The following SBF2 variants were observed in gnomAD, a reference collection of about 807,000 sequenced individuals.
SBF2 encodes the protein SET binding factor 2.
SBF2 carries 112 observed loss-of-function variants against 225.2 expected under a neutral mutation model. That is an observed-to-expected ratio of 0.50 (90% CI 0.43 to 0.58). SBF2 has a LOEUF of 0.58. Ranked by LOEUF, SBF2 falls within the 20% of genes least tolerant of loss-of-function variation. SBF2 has a pLI of 0.00. For missense variants in SBF2, 1,996 were observed against 2,206.2 expected, an observed-to-expected ratio of 0.90 and a Z score of 1.91; for synonymous variants, 763 against 773.3, an observed-to-expected ratio of 0.99 and a Z score of 0.22.
intron 2 of SBF2, among the ~76,000 whole-genome samples, chr11:10,167,725 T>C (rs754227372): frequency 3.3e-5 from 5 of 152,086 alleles, no homozygotes; most frequent in African/African-American, 7.2e-5. Flanking sequence ...CTTGATGAAG[T>C]AATAGGCCAC....
chr11:9,969,199 T>C (rs1221352008), intron 13 of SBF2, among the ~76,000 whole-genome samples: 1 of 152,162 alleles, frequency 6.6e-6, no homozygotes, highest in East Asian at 1.9e-4. Context: ...CAACTATCCA[T>C]TCCTCTGCAG....
chr11:9,844,745 T>C (rs1856416495), intron 24 of SBF2, among the ~76,000 whole-genome samples: 2 of 152,108 alleles, frequency 1.3e-5, no homozygotes, highest in South Asian at 2.1e-4. Flanking sequence ...TATAAGATAA[T>C]GCCGGACAAG....
chr11:10,255,983 C>G (rs947494621), intron 1 of SBF2, among the ~76,000 whole-genome samples: 2 of 152,216 alleles, frequency 1.3e-5, no homozygotes, highest in African/African-American at 4.8e-5. Context: ...CCATTCACAT[C>G]AACTAAGTAA....
intron 6 of SBF2, among the ~76,000 whole-genome samples, chr11:10,018,953 T>G (rs563691691): frequency 1.3e-5 from 2 of 152,200 alleles, no homozygotes; most frequent in Admixed American, 6.5e-5. Flanking sequence ...TAAATATGCT[T>G]CTTCTTCTAG....
intron 1 of SBF2, among the ~76,000 whole-genome samples, chr11:10,245,943 A>C (rs1192361485): frequency 1.3e-5 from 2 of 152,212 alleles, no homozygotes; most frequent in African/African-American, 4.8e-5. Context: ...AAACTCACAA[A>C]AGAACAGTAG....
At chr11:9,836,441 A>C (rs1318473371) in intron 26 of SBF2, among the ~76,000 whole-genome samples, 1 of 152,130 alleles carries the variant, frequency 6.6e-6, no homozygotes, top group East Asian at 1.9e-4. Context: ...GTTTCTGTTT[A>C]ATATATTCCC....
intron 1 of SBF2, among the ~76,000 whole-genome samples, chr11:10,254,340 C>T (rs1232640457): frequency 1.3e-5 from 2 of 149,692 alleles, no homozygotes; most frequent in East Asian, 4.0e-4. Flanking sequence ...ACTGCAGTGA[C>T]AGTGCACTCC....
At chr11:10,098,710 C>T (rs1952153342) in intron 2 of SBF2, among the ~76,000 whole-genome samples, 1 of 150,892 alleles carries the variant, frequency 6.6e-6, no homozygotes, top group Non-Finnish European at 1.5e-5. Flanking sequence ...CACACACACA[C>T]ACACACACAC....
At chr11:10,224,127 A>G (rs1958450303) in intron 1 of SBF2, among the ~76,000 whole-genome samples, 3 of 152,056 alleles carry the variant, frequency 2.0e-5, no homozygotes, top group African/African-American at 7.2e-5. Context: ...TTCATGCAAC[A>G]CCTTTTTCTT....
chr11:9,848,879 T>C (rs1856731826), intron 22 of SBF2, among the ~76,000 whole-genome samples: 1 of 152,266 alleles, frequency 6.6e-6, no homozygotes, highest in Non-Finnish European at 1.5e-5. Flanking sequence ...ATGACTGATG[T>C]ACTAAGCCAT....
intron 1 of SBF2, among the ~76,000 whole-genome samples, chr11:10,261,177 T>C (rs747888764): frequency 2.0e-5 from 3 of 152,178 alleles, no homozygotes; most frequent in Non-Finnish European, 4.4e-5. Context: ...GATGAGATTA[T>C]AGAGTAACTG....
At chr11:10,010,600 T>C (rs185406526) in intron 6 of SBF2, among the ~76,000 whole-genome samples, 42 of 152,326 alleles carry the variant, frequency 2.8e-4, no homozygotes, top group African/African-American at 1.0e-3. Context: ...GGTCTATGTA[T>C]CTGTTTTGGT....
chr11:9,854,832 C>T (rs1032088234), intron 19 of SBF2, among the ~76,000 whole-genome samples: 1 of 152,170 alleles, frequency 6.6e-6, no homozygotes, highest in African/African-American at 2.4e-5. Flanking sequence ...CTCAAGCAAT[C>T]CTCCCACTTC....
chr11:10,254,034 TG>T (rs1960619637), intron 1 of SBF2, among the ~76,000 whole-genome samples: 1 of 152,112 alleles, frequency 6.6e-6, no homozygotes, highest in South Asian at 2.1e-4. Context: ...TACACACTGT[TG>T]GAAGGAGTGT....
chr11:9,867,600 C>T (rs1263966300), intron 17 of SBF2, among the ~76,000 whole-genome samples: 2 of 151,608 alleles, frequency 1.3e-5, no homozygotes, highest in Admixed American at 1.3e-4. Flanking sequence ...ACAATGGCCA[C>T]GATATGGAAT....
intron 32 of SBF2, among the ~76,000 whole-genome samples, chr11:9,796,463 C>T (rs1853133854): frequency 6.6e-6 from 1 of 152,086 alleles, no homozygotes; most frequent in South Asian, 2.1e-4. Flanking sequence ...AAAAATTGTT[C>T]TTACAGAAGT....
chr11:10,083,230 T>G (rs578207312), intron 2 of SBF2, among the ~76,000 whole-genome samples: 4 of 152,096 alleles, frequency 2.6e-5, no homozygotes, highest in Non-Finnish European at 4.4e-5. Flanking sequence ...AAAAAAACTG[T>G]AGATGACACA....
At chr11:10,055,069 T>C (rs568110092) in intron 2 of SBF2, among the ~76,000 whole-genome samples, 2 of 152,188 alleles carry the variant, frequency 1.3e-5, no homozygotes, top group African/African-American at 4.8e-5. Flanking sequence ...GCCTGGTTAA[T>C]TTTCGTATTT....
At chr11:9,863,752 CTCTTT>C (rs1485831397) in intron 17 of SBF2, among the ~76,000 whole-genome samples, 1 of 138,738 alleles carries the variant, frequency 7.2e-6, no homozygotes, top group Non-Finnish European at 1.6e-5. Context: ...CTCCCTCTCT[CTCTTT>C]TTTTTTTTTT....
Sources: gnomAD v4.1 joint callset for allele counts (sites outside exome capture counted in the v4.1 genomes callset) on GRCh38, gnomAD v4.1.1 for gene constraint, MANE v1.5 for transcripts, NCBI Gene and HGNC (gene_info 2026-07-23, HGNC 2026-07-21) for gene names.